ITGA1: variants seen among roughly 807,000 people sequenced by gnomAD.
ITGA1 encodes the protein integrin subunit alpha 1.
ITGA1 carries 85 observed loss-of-function variants against 145.9 expected under a neutral mutation model. The ratio of observed to expected loss-of-function variants is 0.58; its 90% CI spans 0.49 to 0.70. ITGA1 has a LOEUF of 0.70. Among genes scored for constraint, ITGA1 ranks in the 30% least tolerant of loss-of-function variants. The pLI is 0.00. For missense variants in ITGA1, 1,351 were observed against 1,418.7 expected (o/e 0.95, Z 0.77); for synonymous variants, 520 against 495.3 (o/e 1.05, Z -0.66).
At chr5:52,788,471 G>C in intron 1 of ITGA1, 57 bp downstream of exon 1, 3 of 1,356,958 alleles carry the variant, frequency 2.2e-6, no homozygotes, top group Non-Finnish European at 2.9e-6. Flanking sequence ...GGCTTGGAGC[G>C]GGGAGGGAGG....
intron 1 of ITGA1, among the ~76,000 whole-genome samples, chr5:52,818,850 A>G (rs1479004260): frequency 1.3e-5 from 2 of 152,152 alleles, no homozygotes; most frequent in Non-Finnish European, 2.9e-5. Flanking sequence ...TAGGGATCAG[A>G]ACCTTTATGG....
chr5:52,812,033 G>A (rs1192745129), intron 1 of ITGA1, among the ~76,000 whole-genome samples: 3 of 152,180 alleles, frequency 2.0e-5, no homozygotes, highest in Non-Finnish European at 2.9e-5. Context: ...GGTTAAACCA[G>A]GAGTGTCATC....
intron 2 of ITGA1, among the ~76,000 whole-genome samples, chr5:52,860,090 A>C (rs1038509449): frequency 6.6e-6 from 1 of 152,200 alleles, no homozygotes; most frequent in African/African-American, 2.4e-5. Flanking sequence ...GTTCTAAGTA[A>C]ACTTTAGTTT....
At chr5:52,834,310 G>A (rs909736734) in intron 1 of ITGA1, among the ~76,000 whole-genome samples, 1 of 152,104 alleles carries the variant, frequency 6.6e-6, no homozygotes, top group African/African-American at 2.4e-5. Context: ...CTAGAAGCTA[G>A]AAGGCCAAAA....
chr5:52,788,849 T>C (rs914949680), intron 1 of ITGA1, among the ~76,000 whole-genome samples: 1 of 150,232 alleles, frequency 6.7e-6, no homozygotes, highest in African/African-American at 2.4e-5. Context: ...TGGACATTAT[T>C]GAATTTTCTT....
At chr5:52,941,912 C>G (rs1751059079) in intron 26 of ITGA1, among the ~76,000 whole-genome samples, 1 of 151,990 alleles carries the variant, frequency 6.6e-6, no homozygotes, top group African/African-American at 2.4e-5. Flanking sequence ...AGTTAAAGGT[C>G]TTATATTTAA....
At chr5:52,939,113 G>C (rs1751015182) in intron 24 of ITGA1, among the ~76,000 whole-genome samples, 1 of 152,116 alleles carries the variant, frequency 6.6e-6, no homozygotes, top group Non-Finnish European at 1.5e-5. Context: ...ATGTTGGCCA[G>C]GCTGGTCTCG....
intron 26 of ITGA1, among the ~76,000 whole-genome samples, chr5:52,941,586 G>A (rs1561255885): frequency 6.6e-6 from 1 of 152,232 alleles, no homozygotes; most frequent in East Asian, 1.9e-4. Context: ...GTTTTAAGGA[G>A]TCTATTCATG....
intron 1 of ITGA1, among the ~76,000 whole-genome samples, chr5:52,808,221 T>C (rs1036078761): frequency 6.6e-6 from 1 of 152,248 alleles, no homozygotes; most frequent in Non-Finnish European, 1.5e-5. Flanking sequence ...ATAAATGTAA[T>C]GTCTTTCAAT....
intron 6 of ITGA1, among the ~76,000 whole-genome samples, chr5:52,868,204 A>G (rs1310828442): frequency 6.6e-6 from 1 of 152,176 alleles, no homozygotes; most frequent in Non-Finnish European, 1.5e-5. Flanking sequence ...CCATCTAAAT[A>G]TTTTATTTTA....
chr5:52,839,645 C>A (rs189354745), intron 1 of ITGA1, among the ~76,000 whole-genome samples: 1 of 152,222 alleles, frequency 6.6e-6, no homozygotes, highest in Admixed American at 6.5e-5. Flanking sequence ...CATATAATTT[C>A]TTCTCAGTAA....
At chr5:52,830,379 C>T (rs1335652043) in intron 1 of ITGA1, among the ~76,000 whole-genome samples, 4 of 152,022 alleles carry the variant, frequency 2.6e-5, no homozygotes, top group African/African-American at 9.7e-5. Context: ...CAAAGATAAA[C>T]TTTGGAAGTT....
intron 13 of ITGA1, among the ~76,000 whole-genome samples, chr5:52,909,379 C>A (rs1721933165): frequency 6.6e-6 from 1 of 151,966 alleles, no homozygotes; most frequent in Non-Finnish European, 1.5e-5. Flanking sequence ...TAGATAATAA[C>A]CTCAGCAGTT....
chr5:52,861,763 A>G (rs1481607530), intron 3 of ITGA1, among the ~76,000 whole-genome samples: 1 of 151,598 alleles, frequency 6.6e-6, no homozygotes, highest in Admixed American at 6.6e-5. Context: ...CCAGCTACTC[A>G]AGAGGATGAA....
intron 14 of ITGA1, among the ~76,000 whole-genome samples, chr5:52,911,422 T>C (rs1418643874): frequency 7.5e-6 from 1 of 134,142 alleles, no homozygotes; most frequent in Non-Finnish European, 1.6e-5. Context: ...ATATACACTA[T>C]ATAGATACTA....
chr5:52,793,411 G>A (rs541981483), intron 1 of ITGA1, among the ~76,000 whole-genome samples: 46 of 151,750 alleles, frequency 3.0e-4, no homozygotes, highest in Non-Finnish European at 5.6e-4. Flanking sequence ...ATAAATAATG[G>A]AATGGAAGAC....
rs1488098690 is a variant in ITGA1, at chr5:52,953,294, TG to T, written c.*844del. 6.6e-6 allele frequency: 1 copy of T among 152,186 alleles called. No homozygotes were observed. Among genetic ancestry groups the T allele is most frequent in the East Asian group, 1.9e-4 (1 of 5,184 alleles). The allele number at this position is 152,186 out of a possible 1,614,324, so 9.4% of individuals were successfully genotyped here. On this transcript the variant is annotated 3_prime_UTR_variant, in exon 29 of 29. Transcript: ENST00000282588. ...ATGGGGGACATGCTAAAATGGCTTC[TG>T]AATGAAATACGACAGCAGAGAAAGA...
intron 2 of ITGA1, among the ~76,000 whole-genome samples, chr5:52,850,755 G>T (rs946153940): frequency 6.6e-6 from 1 of 152,102 alleles, no homozygotes; most frequent in South Asian, 2.1e-4. Flanking sequence ...TATCTCAGAT[G>T]ACAAACCCAA....
At chr5:52,858,791 A>T (rs535035795) in intron 2 of ITGA1, among the ~76,000 whole-genome samples, 1 of 152,298 alleles carries the variant, frequency 6.6e-6, no homozygotes, top group Non-Finnish European at 1.5e-5. Flanking sequence ...TAAATACCTA[A>T]TAATAATAAG....
Sources: gnomAD v4.1 joint callset for allele counts (sites outside exome capture counted in the v4.1 genomes callset) on GRCh38, gnomAD v4.1.1 for gene constraint, MANE v1.5 for transcripts, NCBI Gene and HGNC (gene_info 2026-07-23, HGNC 2026-07-21) for gene names.